The following CCDC180 variants were observed in gnomAD, a reference collection of about 807,000 sequenced individuals.
The protein encoded by CCDC180 is coiled-coil domain-containing protein 180.
Under a neutral mutation model 209.2 loss-of-function variants are expected in CCDC180, and 154 were observed. The ratio of observed to expected loss-of-function variants is 0.74; its 90% CI spans 0.65 to 0.84. The LOEUF (loss-of-function observed/expected upper bound fraction) is 0.84, where lower values mean the gene tolerates loss of function less well. Among genes scored for constraint, CCDC180 ranks in the 40% least tolerant of loss-of-function variants. CCDC180 has a pLI of 0.00. For synonymous variants in CCDC180, 778 were observed against 749.1 expected, an observed-to-expected ratio of 1.04 and a Z score of -0.63; for missense variants, 1,874 against 1,997.3, an observed-to-expected ratio of 0.94 and a Z score of 1.18.
Position 97,360,094 on chromosome 9 carries a change from T to G in CCDC180, c.3476T>G (p.Val1159Gly). The G allele has an allele frequency of 5.0e-6, 8 of 1,613,688 alleles. No homozygotes were observed. The highest frequency in any genetic ancestry group is 6.8e-6 in the Non-Finnish European group (8 of 1,179,820). Residue 1159 changes from valine to glycine, a missense_variant, in exon 26 of 37, where the codon GTC becomes GGC. Val to Gly is a moderately radical substitution (Grantham distance 109). Transcript: ENST00000529487. ...GACAGGGTGTCCATGACTGAACTGG[T>G]CTTTACCGTAAGGAATGGGATAGGG... is the stretch of plus-strand genomic sequence containing the variant. ...SLDRVSMTEL[V>G]FTNTILKDQE...
chr9:97,323,957 G>A (rs1293290313), intron 13 of CCDC180, 54 bp downstream of exon 13: 7 of 1,539,768 alleles, frequency 4.5e-6, no homozygotes, highest in South Asian at 1.2e-5. Flanking sequence ...GGGGGTCCCC[G>A]GGGTTGCTGG....
rs1826145476 is a variant in CCDC180 at position 97,343,373 on chromosome 9, T to C, written c.2308T>C (p.Tyr770His). Residue 770 changes from tyrosine to histidine, a missense_variant, in exon 19 of 37, where the codon TAC (tyrosine) becomes CAC (histidine). Physicochemically the swap from Tyr to His is moderately conservative, Grantham distance 83. Transcript: ENST00000529487. ...EDKEEGLEEI[Y>H]YEDMESFTIS... ...CAAGGAAGAGGGTCTAGAGGAGATA[T>C]ACTATGAGGACATGGAGTCCTTCAC... 5 of 1,612,968 alleles carry C rather than the reference T, an allele frequency of 3.1e-6. No individual in the cohort carries two copies. Among genetic ancestry groups the C allele is most frequent in the African/African-American group, 1.3e-5 (1 of 75,004 alleles).
rs1827060683 is a variant in CCDC180, at chr9:97,370,663, A to G, written c.4373A>G (p.His1458Arg). The change falls in exon 33 of 37, where the codon CAT (histidine) becomes CGT (arginine). Residue 1458 changes from histidine to arginine, a missense_variant. Transcript: ENST00000529487. Reference sequence around the variant, plus strand: ...AAGGACAAAAATGCCCAGAAGCTCCATCTAAATCTTGGACACCCCGTACAT... The same window carrying G: ...AAGGACAAAAATGCCCAGAAGCTCCGTCTAAATCTTGGACACCCCGTACAT... ...KRKDKNAQKL[H>R]LNLGHPVHFQ... 6 of 1,614,032 alleles carry G rather than the reference A, an allele frequency of 3.7e-6. No homozygotes were observed. The highest frequency in any genetic ancestry group is 5.1e-6 in the Non-Finnish European group (6 of 1,179,996).
At chr9:97,359,908 G>T (rs200774742) in intron 25 of CCDC180, 74 bp from the exon 26 acceptor site, 2 of 1,576,750 alleles carry the variant, frequency 1.3e-6, no homozygotes, top group East Asian at 2.3e-5. Flanking sequence ...CCCTGTTCCC[G>T]CACTTCCCAC....
rs1201633127 is a variant in CCDC180, at chr9:97,343,462, C to G, written c.2397C>G (p.Ser799=). The part of the protein sequence containing the change: ...VPLEEEHCRK[S]HSTFSAMFIN... ...TGGAAGAAGAGCATTGTAGGAAGTCCCATTCCACCTTCTCAGCCATGTTCA... is the reference window on the plus strand; with the variant it reads ...TGGAAGAAGAGCATTGTAGGAAGTCGCATTCCACCTTCTCAGCCATGTTCA... Residue 799 remains serine, a synonymous_variant, in exon 19 of 37, where the codon TCC becomes TCG. Coordinates refer to ENST00000529487, the MANE Select transcript of CCDC180 (RefSeq NM_020893.6). The G allele has an allele frequency of 6.2e-7, 1 of 1,613,878 alleles. No individual in the cohort carries two copies. Among genetic ancestry groups the G allele is most frequent in the Non-Finnish European group, 8.5e-7 (1 of 1,179,956 alleles).
At chr9:97,312,603 AAAGG>A (rs1440450768) in intron 4 of CCDC180, among the ~76,000 whole-genome samples, 3 of 152,290 alleles carry the variant, frequency 2.0e-5, no homozygotes, top group African/African-American at 7.2e-5. Flanking sequence ...GAAGAAAAAC[AAAGG>A]AAGGAGAAAA....
chr9:97,307,951 T>A, intron 1 of CCDC180, 32 bp from the exon 2 acceptor site: 2 of 1,581,862 alleles, frequency 1.3e-6, no homozygotes, highest in Non-Finnish European at 1.7e-6. Flanking sequence ...GACCTGAACC[T>A]GAGTTTGGGA....
chr9:97,376,182 G>A (rs1827254768), intron 36 of CCDC180: 1 of 156,678 alleles, frequency 6.4e-6, no homozygotes. Context: ...AGCCTGATGA[G>A]GAGGCTACAC....
intron 22 of CCDC180, among the ~76,000 whole-genome samples, chr9:97,351,191 T>C (rs1826411200): frequency 1.3e-5 from 2 of 152,222 alleles, no homozygotes; most frequent in African/African-American, 4.8e-5. Context: ...ATTGCTGGAT[T>C]AAATGGTAAT....
chr9:97,322,718 C>G, intron 11 of CCDC180, 115 bp from the exon 12 acceptor site: 1 of 850,986 alleles, frequency 1.2e-6, no homozygotes, highest in Non-Finnish European at 1.9e-6. Context: ...GACCACTGAT[C>G]TTCACCTAAA....
chr9:97,328,146 G>A lies in CCDC180; in HGVS notation c.1788G>A (p.Gln596=). The A allele has an allele frequency of 1.2e-6, 2 of 1,613,266 alleles. No individual in the cohort carries two copies. Among genetic ancestry groups the A allele is most frequent in the Non-Finnish European group, 1.7e-6 (2 of 1,179,596 alleles). The change falls in exon 16 of 37, where the codon CAG becomes CAA. Residue 596 remains glutamine, a splice_region_variant and synonymous_variant. Coordinates refer to ENST00000529487, the MANE Select transcript of CCDC180 (RefSeq NM_020893.6). ...QYFFVREIFE[Q]NLAGEVIFKF... Reference sequence around the variant, plus strand: ...TCTTTGTGCGTGAAATCTTTGAACAGGTATGGAGAGGGTGATGATACACCC... The same window carrying A: ...TCTTTGTGCGTGAAATCTTTGAACAAGTATGGAGAGGGTGATGATACACCC...
At chr9:97,354,205 C>A (rs1005120127) in intron 22 of CCDC180, among the ~76,000 whole-genome samples, 1 of 152,016 alleles carries the variant, frequency 6.6e-6, no homozygotes, top group African/African-American at 2.4e-5. Flanking sequence ...GCTGCCCAGG[C>A]TAATCTTGAA....
In CCDC180 at chr9:97,312,151, G is replaced by T. The variant is rs751063951; in HGVS notation, c.299G>T (p.Ser100Ile). 1 of 1,614,038 alleles carries T rather than the reference G, an allele frequency of 6.2e-7. No homozygotes were observed. Among genetic ancestry groups the T allele is most frequent in the African/African-American group, 1.3e-5 (1 of 74,936 alleles). Reference protein sequence around the residue: ...ERAKREKARESENTIAAREVR... With the variant: ...ERAKREKAREIENTIAAREVR... ...GCCAAGAGGGAAAAAGCCCGAGAGA[G>T]TGAGAACACCATCGCTGCCCGAGAA... The change falls in exon 4 of 37, where the codon AGT becomes ATT. Residue 100 changes from serine to isoleucine, a missense_variant. Transcript: ENST00000529487.
At chr9:97,370,268 G>A (rs1366267578) in intron 32 of CCDC180, among the ~76,000 whole-genome samples, 186 bp downstream of exon 32, 3 of 152,158 alleles carry the variant, frequency 2.0e-5, no homozygotes, top group African/African-American at 7.2e-5. Context: ...CTTCTACATA[G>A]AAGGTGTTCA....
chr9:97,330,531 G>A lies in CCDC180; in HGVS notation c.2038G>A (p.Ala680Thr), dbSNP rs918363408. Residue 680 changes from alanine to threonine, a missense_variant, in exon 18 of 37, where the codon GCT (alanine) becomes ACT (threonine). Physicochemically the swap from Ala to Thr is moderately conservative, Grantham distance 58 (BLOSUM62 0). Transcript: ENST00000529487. ...LGQQKKSPLH[A>T]KMDESKEGSI... ...GCAGCAGAAAAAATCTCCACTGCAT[G>A]CTAAGATGGATGAGTCCAAAGAAGG... 22 of 1,614,056 alleles carry A rather than the reference G, an allele frequency of 1.4e-5. No homozygotes were observed. In the East Asian group the frequency reaches 4.7e-4, roughly 34 times the overall value.
intron 19 of CCDC180, chr9:97,345,595 A>G (rs944565983): frequency 1.4e-5 from 6 of 425,694 alleles, no homozygotes; most frequent in African/African-American, 1.1e-4. Flanking sequence ...AATTAATTAT[A>G]TATTCTGTAG....
intron 31 of CCDC180, among the ~76,000 whole-genome samples, chr9:97,368,785 C>T (rs1826996363): frequency 6.6e-6 from 1 of 152,098 alleles, no homozygotes; most frequent in South Asian, 2.1e-4. Flanking sequence ...GTTCAGGCCT[C>T]AAAGGATTCC....
rs56794875 is a variant in CCDC180, at chr9:97,308,276, T to C, written c.69+144T>C. 2,109 of 749,944 alleles carry C rather than the reference T, an allele frequency of 2.8e-3. 27 individuals are homozygous for C. In the African/African-American group the frequency reaches 0.033, roughly 12 times the overall value. 46.5% of individuals were successfully genotyped at this position (749,944 alleles called of 1,614,324 possible). A position where few individuals can be genotyped will look rare whatever the true frequency, so the allele number is the denominator to read the frequency against. On this transcript the variant is annotated intron_variant, in intron 2 of 36. Transcript: ENST00000529487. ...CTTTGATTTTAAAAATAATTCTTGC[T>C]TGTTCTTAAATCGTACCAATACAAA... is the stretch of plus-strand genomic sequence containing the variant.
In CCDC180 at chr9:97,347,373, C is replaced by T; in HGVS notation, c.2558C>T (p.Thr853Ile). Residue 853 changes from threonine to isoleucine, a missense_variant, in exon 20 of 37, where the codon ACC becomes ATC. By Grantham distance (89) the Thr-to-Ile change is moderately conservative. Coordinates refer to ENST00000529487, the MANE Select transcript of CCDC180 (RefSeq NM_020893.6). ...TGGTTTGACCAGTGTTCCCTCAACA[C>T]CCGGGTCACCGTGGCCACCAAAATC... ...EKWFDQCSLN[T>I]RVTVATKINE... 4 of 1,536,146 alleles carry T rather than the reference C, an allele frequency of 2.6e-6. No homozygotes were observed. The highest frequency in any genetic ancestry group is 2.4e-5 in the South Asian group (2 of 84,062).
Sources: allele counts gnomAD v4.1 joint callset (sites outside exome capture counted in the v4.1 genomes callset), GRCh38; gene constraint gnomAD v4.1.1; transcripts MANE v1.5; gene names NCBI Gene and HGNC (gene_info 2026-07-23, HGNC 2026-07-21).